The following HUWE1 variants were observed in gnomAD, a reference collection of about 807,000 sequenced individuals.
HUWE1 encodes E3 ubiquitin-protein ligase HUWE1.
In HUWE1, 18 loss-of-function variants were observed where a neutral mutation model predicts 299.4. The observed-to-expected ratio is 0.06, with a 90% CI of 0.04 to 0.09. HUWE1 has a LOEUF of 0.09. HUWE1 is among the 10% of genes least tolerant of loss of function. The pLI, the probability that HUWE1 is intolerant of heterozygous loss-of-function variation, is 1.00. For missense variants in HUWE1, 1,832 were observed against 3,462.3 expected (o/e 0.53, Z 11.82); for synonymous variants, 1,317 against 1,286.1 (o/e 1.02, Z -0.51).
chrX:53,678,355 C>T (rs1257054049), intron 3 of HUWE1, among the ~76,000 whole-genome samples: 1 of 111,474 alleles, frequency 9.0e-6, no homozygotes, highest in Non-Finnish European at 1.9e-5. Flanking sequence ...AAACATCAAA[C>T]GACTTAAAAG....
intron 47 of HUWE1, among the ~76,000 whole-genome samples, chrX:53,572,868 CT>C (rs782249495): frequency 9.0e-6 from 1 of 111,280 alleles, no homozygotes; most frequent in Non-Finnish European, 1.9e-5. Context: ...CCCACAGATA[CT>C]TCTCAAAACT....
intron 70 of HUWE1, among the ~76,000 whole-genome samples, chrX:53,545,909 C>CTT (rs1359845692): frequency 9.0e-6 from 1 of 111,483 alleles, no homozygotes; most frequent in Non-Finnish European, 1.9e-5. Flanking sequence ...GGTCCAATCA[C>CTT]TTTATCACCC....
At chrX:53,590,952 G>A (rs1033886603) in intron 34 of HUWE1, 48 bp downstream of exon 34, 2 of 1,202,167 alleles carry the variant, frequency 1.7e-6, no homozygotes, top group Non-Finnish European at 2.3e-6. Flanking sequence ...AAGGACTTCA[G>A]CAGTCAAACC....
chrX:53,615,377 G>A (rs1603110667), intron 22 of HUWE1, among the ~76,000 whole-genome samples: 1 of 109,135 alleles, frequency 9.2e-6, no homozygotes, highest in South Asian at 4.0e-4. Context: ...ACAGGCACAC[G>A]CCACCAAACC....
chrX:53,560,726 C>T (rs1336915464), intron 55 of HUWE1, among the ~76,000 whole-genome samples: 2 of 111,890 alleles, frequency 1.8e-5, no homozygotes, highest in Non-Finnish European at 3.8e-5. Flanking sequence ...ACTCCTCTCC[C>T]GCTTCTTTAC....
intron 7 of HUWE1, among the ~76,000 whole-genome samples, chrX:53,642,966 C>A (rs1272445257): frequency 1.8e-5 from 2 of 111,995 alleles, no homozygotes; most frequent in African/African-American, 6.5e-5. Flanking sequence ...GCTATTACAC[C>A]AATTGTTTGC....
chrX:53,611,872 A>G (rs944635323), intron 23 of HUWE1, among the ~76,000 whole-genome samples: 2 of 109,616 alleles, frequency 1.8e-5, no homozygotes, highest in African/African-American at 6.6e-5. Context: ...AAAAAAAAAT[A>G]AATAAATAAA....
intron 31 of HUWE1, among the ~76,000 whole-genome samples, chrX:53,593,852 A>G (rs979435924): frequency 8.9e-6 from 1 of 112,240 alleles, no homozygotes; most frequent in African/African-American, 3.2e-5. Context: ...TAATCCCAGC[A>G]CTTTGGGAGG....
intron 2 of HUWE1, among the ~76,000 whole-genome samples, chrX:53,682,276 G>A (rs782816389): frequency 9.0e-6 from 1 of 111,544 alleles, no homozygotes; most frequent in Non-Finnish European, 1.9e-5. Flanking sequence ...TTATATAGAT[G>A]AACTGAGAAT....
At chrX:53,610,886 A>G (rs2065417960) in intron 23 of HUWE1, among the ~76,000 whole-genome samples, 1 of 111,754 alleles carries the variant, frequency 8.9e-6, no homozygotes, top group Non-Finnish European at 1.9e-5. Flanking sequence ...CACTAATGCA[A>G]TCAACCACAA....
Position 53,588,469 on chromosome X carries a change from G to T in HUWE1, c.4527C>A (p.Thr1509=). 2 of 1,207,308 alleles carry T rather than the reference G, an allele frequency of 1.7e-6. No individual in the cohort carries two copies. The highest frequency in any genetic ancestry group is 2.2e-6 in the Non-Finnish European group (2 of 892,757). Residue 1509 remains threonine, a synonymous_variant, in exon 37 of 84, where the codon ACC becomes ACA. Transcript: ENST00000262854. ...CCATCTGACTTATCCACTCTGACAC[G>T]GTTTTTGTGTCACTTGTTGTCAGGG... ...ALPLTTSDTK[T]VSEWISQMAT... is the part of the protein sequence containing the mutation.
intron 3 of HUWE1, among the ~76,000 whole-genome samples, chrX:53,662,425 C>G (rs782425475): frequency 1.3e-4 from 14 of 111,986 alleles, no homozygotes; most frequent in Non-Finnish European, 2.3e-4. Context: ...TTTCCCACAA[C>G]TAGTTCCATT....
intron 31 of HUWE1, among the ~76,000 whole-genome samples, chrX:53,593,941 AC>A (rs1219940193): frequency 9.0e-6 from 1 of 110,529 alleles, no homozygotes; most frequent in African/African-American, 3.3e-5. Flanking sequence ...TACTAAATAT[AC>A]AAAAATTAGC....
chrX:53,564,234 G>A (rs2062426559), intron 51 of HUWE1, among the ~76,000 whole-genome samples: 1 of 111,958 alleles, frequency 8.9e-6, no homozygotes, highest in Non-Finnish European at 1.9e-5. Context: ...ATAAGGTGGT[G>A]TTAAGGAGCT....
At chrX:53,535,576 T>A in intron 80 of HUWE1, 75 bp from the exon 81 acceptor site, 1 of 677,693 alleles carries the variant, frequency 1.5e-6, no homozygotes, top group South Asian at 2.2e-5. Context: ...GAACACACCC[T>A]AAACCCCTTG....
Position 53,534,129 on chromosome X carries a change from G to A in HUWE1, c.12900C>T (p.Val4300=). 3 of 1,210,551 alleles carry A rather than the reference G, an allele frequency of 2.5e-6. No individual in the cohort carries two copies. Among genetic ancestry groups the A allele is most frequent in the Non-Finnish European group, 3.4e-6 (3 of 894,407 alleles). ...GCAGGGGTACCTTGGAAGTACCTGT[G>A]ACAAACTGGAGGAACTTGGCACGGT... The part of the protein sequence containing the change: ...QADRAKFLQF[V]TGTSKVPLQG... The change falls in exon 83 of 84, where the codon GTC becomes GTT. Residue 4300 remains valine, a synonymous_variant. Transcript: ENST00000262854.
intron 47 of HUWE1, among the ~76,000 whole-genome samples, chrX:53,572,183 A>G (rs1222716878): frequency 8.9e-6 from 1 of 111,890 alleles, no homozygotes; most frequent in Non-Finnish European, 1.9e-5. Flanking sequence ...AAAAGAAGCC[A>G]GGCAAAAAAG....
At chrX:53,548,308 A>G (rs1556925236) in intron 67 of HUWE1, 35 bp from the exon 68 acceptor site, 1 of 1,197,658 alleles carries the variant, frequency 8.3e-7, no homozygotes, top group Admixed American at 2.2e-5. Context: ...TTGGTCTAGG[A>G]CGTCTTCACA....
chrX:53,622,729 T>C (rs1014706731), intron 19 of HUWE1, among the ~76,000 whole-genome samples: 6 of 111,805 alleles, frequency 5.4e-5, no homozygotes, highest in Middle Eastern at 4.2e-3. Context: ...GGACTTCCTG[T>C]TGCATGATCA....
Sources: gnomAD v4.1 joint callset for allele counts (sites outside exome capture counted in the v4.1 genomes callset) on GRCh38, gnomAD v4.1.1 for gene constraint, MANE v1.5 for transcripts, NCBI Gene and HGNC (gene_info 2026-07-23, HGNC 2026-07-21) for gene names.